FBXL17: variants seen among roughly 807,000 people sequenced by gnomAD.
FBXL17 encodes the protein F-box/LRR-repeat protein 17.
FBXL17 carries 22 observed loss-of-function variants against 66.2 expected under a neutral mutation model. The ratio of observed to expected loss-of-function variants is 0.33; its 90% CI spans 0.24 to 0.47. The LOEUF (loss-of-function observed/expected upper bound fraction) is 0.47, where lower values mean the gene tolerates loss of function less well. Among genes scored for constraint, FBXL17 ranks in the 20% least tolerant of loss-of-function variants. FBXL17 has a pLI of 1.00. For synonymous variants in FBXL17, 474 were observed against 400.5 expected, an observed-to-expected ratio of 1.18 and a Z score of -2.19; for missense variants, 878 against 948.2, an observed-to-expected ratio of 0.93 and a Z score of 0.97.
At chr5:108,194,861 C>T (rs1753617989) in intron 5 of FBXL17, among the ~76,000 whole-genome samples, 1 of 152,152 alleles carries the variant, frequency 6.6e-6, no homozygotes, top group Admixed American at 6.5e-5. Context: ...CAGGGCGAGC[C>T]TTCAGTATTT....
At chr5:107,946,371 T>C (rs1156458030) in intron 7 of FBXL17, among the ~76,000 whole-genome samples, 1 of 139,658 alleles carries the variant, frequency 7.2e-6, no homozygotes, top group Non-Finnish European at 1.5e-5. Context: ...CATGGCTCAC[T>C]GCAGCTTCAA....
rs141714549 is a variant in FBXL17 at position 108,018,688 on chromosome 5, G to C, written c.1822+2237C>G. ...GAAGGTAAGATGGGGCAGAGAGCTT[G>C]AGAGCTGGAGGGACTGAGGTGCAAG... On this transcript the variant is annotated intron_variant, in intron 7 of 8. Transcript: ENST00000542267. Among the ~76,000 whole-genome samples the C allele has an allele frequency of 6.5e-3, 992 of 152,240 alleles. 6 individuals are homozygous for C. The highest frequency in any genetic ancestry group is 9.6e-3 in the Non-Finnish European group (656 of 68,014).
chr5:108,331,031 C>T (rs549024653), intron 4 of FBXL17, among the ~76,000 whole-genome samples: 2 of 152,034 alleles, frequency 1.3e-5, no homozygotes, highest in East Asian at 3.9e-4. Flanking sequence ...ACAGCCTGGG[C>T]GACAGAGCAA....
chr5:108,146,226 C>T (rs1184011084), intron 6 of FBXL17, among the ~76,000 whole-genome samples: 1 of 148,164 alleles, frequency 6.7e-6, no homozygotes, highest in African/African-American at 2.5e-5. Flanking sequence ...AGCAAGACTT[C>T]GTCTCAAAAA....
rs150934714 is a variant in FBXL17, at chr5:108,188,289, A to G, written c.1615-2042T>C. On this transcript the variant is annotated intron_variant, in intron 5 of 8. Transcript: ENST00000542267. ...ATAAATAGAGATAGCTGCGACAGAT[A>G]AAACACAAAAAGGTCCACAACAGCA... 2.8e-4 allele frequency among the ~76,000 whole-genome samples: 43 copies of G among 152,326 alleles called. 1 individual carries two copies. In the Middle Eastern group the frequency reaches 0.01, roughly 36 times the overall value.
At chr5:108,214,432 A>G (rs892768508) in intron 5 of FBXL17, among the ~76,000 whole-genome samples, 1 of 150,568 alleles carries the variant, frequency 6.6e-6, no homozygotes, top group African/African-American at 2.5e-5. Context: ...CAGTGGCTCA[A>G]TCTTGGCTCA....
chr5:108,373,352 C>T (rs1049658327), intron 1 of FBXL17, among the ~76,000 whole-genome samples: 1 of 91,120 alleles, frequency 1.1e-5, no homozygotes, highest in Admixed American at 1.7e-4. Flanking sequence ...TATAATATAT[C>T]TAAATATATA....
chr5:107,965,278 T>A (rs987898936), intron 7 of FBXL17, among the ~76,000 whole-genome samples: 27 of 152,140 alleles, frequency 1.8e-4, no homozygotes, highest in African/African-American at 6.0e-4. Context: ...GAATGACTAT[T>A]CAAAAGCAGT....
At chr5:108,204,882 T>C (rs894070905) in intron 5 of FBXL17, among the ~76,000 whole-genome samples, 2 of 152,110 alleles carry the variant, frequency 1.3e-5, no homozygotes, top group Non-Finnish European at 2.9e-5. Flanking sequence ...CCTTCATGTC[T>C]TAAAACCTAG....
chr5:108,088,151 A>G (rs1441489329), intron 6 of FBXL17, among the ~76,000 whole-genome samples: 5 of 152,182 alleles, frequency 3.3e-5, no homozygotes, highest in Non-Finnish European at 7.3e-5. Context: ...CTGGAGATCA[A>G]TTGAACAATG....
At chr5:107,885,604 C>T (rs1210125112) in intron 7 of FBXL17, among the ~76,000 whole-genome samples, 2 of 151,934 alleles carry the variant, frequency 1.3e-5, no homozygotes, top group Non-Finnish European at 2.9e-5. Flanking sequence ...AAGGAAAATC[C>T]CTAGGAATTA....
At chr5:108,267,597 T>C (rs11742777) in intron 4 of FBXL17, among the ~76,000 whole-genome samples, 44,408 of 151,930 alleles carry the variant, frequency 0.29, 6,763 homozygotes, top group South Asian at 0.45. Flanking sequence ...CTATGGTTTA[T>C]TAAACAAATA....
At chr5:108,289,620 G>A (rs73214569) in intron 4 of FBXL17, among the ~76,000 whole-genome samples, 2,541 of 152,232 alleles carry the variant, frequency 0.017, 71 homozygotes, top group African/African-American at 0.056. Context: ...CTGTAATCAG[G>A]AGAGGGAAGC....
intron 4 of FBXL17, among the ~76,000 whole-genome samples, chr5:108,326,232 C>T (rs1054776497): frequency 6.6e-6 from 1 of 152,012 alleles, no homozygotes; most frequent in African/African-American, 2.4e-5. Context: ...ACATCTGACA[C>T]AAGAACTTAT....
intron 6 of FBXL17, among the ~76,000 whole-genome samples, chr5:108,156,424 A>G (rs1005586140): frequency 6.6e-6 from 1 of 152,168 alleles, no homozygotes; most frequent in Non-Finnish European, 1.5e-5. Flanking sequence ...GGAAACATGT[A>G]CAGTAATATG....
At chr5:108,266,868 T>C (rs1757066084) in intron 4 of FBXL17, among the ~76,000 whole-genome samples, 1 of 152,086 alleles carries the variant, frequency 6.6e-6, no homozygotes, top group South Asian at 2.1e-4. Flanking sequence ...TTGAGGGCAG[T>C]TGGGTTTAGC....
chr5:107,990,260 G>C (rs1753190611), intron 7 of FBXL17, among the ~76,000 whole-genome samples: 1 of 152,160 alleles, frequency 6.6e-6, no homozygotes, highest in African/African-American at 2.4e-5. Context: ...GGATGGGTAT[G>C]GCTTTTTATT....
At chr5:107,906,251 T>C (rs1038419535) in intron 7 of FBXL17, among the ~76,000 whole-genome samples, 1 of 152,120 alleles carries the variant, frequency 6.6e-6, no homozygotes, top group Non-Finnish European at 1.5e-5. Context: ...TATATGTATA[T>C]GCTAAATGTG....
At chr5:108,256,851 T>C (rs1189674589) in intron 4 of FBXL17, among the ~76,000 whole-genome samples, 1 of 152,112 alleles carries the variant, frequency 6.6e-6, no homozygotes, top group Non-Finnish European at 1.5e-5. Flanking sequence ...GTGTATTTTT[T>C]TTTGTTTCTG....
Sources: allele counts gnomAD v4.1 joint callset (sites outside exome capture counted in the v4.1 genomes callset), GRCh38; gene constraint gnomAD v4.1.1; transcripts MANE v1.5; gene names NCBI Gene and HGNC (gene_info 2026-07-23, HGNC 2026-07-21).